CHCHD6: variants seen among roughly 807,000 people sequenced by gnomAD.
CHCHD6 encodes MICOS complex subunit MIC25.
In CHCHD6, 28 loss-of-function variants were observed where a neutral mutation model predicts 32.3. The observed-to-expected ratio is 0.87, with a 90% CI of 0.64 to 1.19. The LOEUF (loss-of-function observed/expected upper bound fraction) is 1.19. Ranked by LOEUF, CHCHD6 falls within the 50% of genes most tolerant of loss-of-function variation. CHCHD6 has a pLI of 0.00. For missense variants in CHCHD6, 333 were observed against 307.0 expected (o/e 1.08, Z -0.63); for synonymous variants, 122 against 117.5 (o/e 1.04, Z -0.25).
chr3:126,786,381 A>T (rs867992710), intron 4 of CHCHD6, among the ~76,000 whole-genome samples: 7 of 152,118 alleles, frequency 4.6e-5, no homozygotes, highest in Admixed American at 2.0e-4. Flanking sequence ...TTTCTAGTTC[A>T]ATATCCCTGA....
At chr3:126,734,806 C>T (rs1377035137) in intron 4 of CHCHD6, among the ~76,000 whole-genome samples, 2 of 152,090 alleles carry the variant, frequency 1.3e-5, no homozygotes, top group Non-Finnish European at 2.9e-5. Flanking sequence ...AGAAGGTGAT[C>T]GGATCCAGTG....
intron 4 of CHCHD6, among the ~76,000 whole-genome samples, chr3:126,776,225 G>A (rs776450510): frequency 6.6e-6 from 1 of 152,178 alleles, no homozygotes; most frequent in African/African-American, 2.4e-5. Flanking sequence ...GGTACAACAT[G>A]GCTCCTAAAT....
intron 4 of CHCHD6, among the ~76,000 whole-genome samples, chr3:126,830,419 C>T (rs1398691108): frequency 6.6e-6 from 1 of 152,210 alleles, no homozygotes; most frequent in Non-Finnish European, 1.5e-5. Context: ...AGCTGCCATG[C>T]ACCCTGCATG....
chr3:126,840,225 G>A (rs1042862960), intron 4 of CHCHD6, among the ~76,000 whole-genome samples: 1 of 152,130 alleles, frequency 6.6e-6, no homozygotes, highest in African/African-American at 2.4e-5. Flanking sequence ...GACATTTAGG[G>A]GCTAAGTGTA....
chr3:126,786,777 C>CT (rs1167011834), intron 4 of CHCHD6, among the ~76,000 whole-genome samples: 1 of 152,176 alleles, frequency 6.6e-6, no homozygotes, highest in Non-Finnish European at 1.5e-5. Flanking sequence ...TTTAGGTTGT[C>CT]TGTTCACTCT....
chr3:126,863,329 TCC>T (rs1942034651), intron 5 of CHCHD6, among the ~76,000 whole-genome samples: 1 of 124,362 alleles, frequency 8.0e-6, no homozygotes, highest in African/African-American at 3.1e-5. Context: ...CACCTCCTCC[TCC>T]TCCTCCATCA....
In CHCHD6 at chr3:126,736,066, G is replaced by A. The variant is rs558686759; in HGVS notation, c.411+2844G>A. On this transcript the variant is annotated intron_variant, in intron 4 of 7. Transcript: ENST00000290913. Reference sequence around the variant, plus strand: ...TGGCCATTGCTTCTAAAGAAGGGGGGCTCCCTTTGGGTTGGTATGGTTGGG... The same window carrying A: ...TGGCCATTGCTTCTAAAGAAGGGGGACTCCCTTTGGGTTGGTATGGTTGGG... 1.2e-3 allele frequency among the ~76,000 whole-genome samples: 177 copies of A among 152,306 alleles called. 1 individual carries two copies. The highest frequency in any genetic ancestry group is 6.8e-3 in the Middle Eastern group (2 of 294).
chr3:126,779,094 A>G (rs995365582), intron 4 of CHCHD6, among the ~76,000 whole-genome samples: 13 of 151,892 alleles, frequency 8.6e-5, no homozygotes, highest in Admixed American at 1.3e-4. Flanking sequence ...ACTTTTTATT[A>G]TTTGTTTATT....
chr3:126,959,396 C>A (rs1432586907), intron 7 of CHCHD6, among the ~76,000 whole-genome samples: 1 of 152,254 alleles, frequency 6.6e-6, no homozygotes, highest in African/African-American at 2.4e-5. Flanking sequence ...AGCCCCAGCA[C>A]CCAGGCACTT....
chr3:126,816,658 A>G (rs945537215), intron 4 of CHCHD6, among the ~76,000 whole-genome samples: 1 of 152,088 alleles, frequency 6.6e-6, no homozygotes, highest in Non-Finnish European at 1.5e-5. Flanking sequence ...GGGGAGCATG[A>G]ATGGAGTCTT....
At chr3:126,777,226 C>CTT (rs201873304) in intron 4 of CHCHD6, among the ~76,000 whole-genome samples, 8,214 of 152,220 alleles carry the variant, frequency 0.054, 334 homozygotes, top group South Asian at 0.19. Context: ...GGTATTCAGA[C>CTT]TTCAAATCAG....
intron 1 of CHCHD6, among the ~76,000 whole-genome samples, chr3:126,710,809 T>G (rs1408744642): frequency 2.6e-5 from 4 of 152,216 alleles, no homozygotes; most frequent in African/African-American, 9.7e-5. Context: ...GCTCATTTAT[T>G]AGTTCAAGTA....
chr3:126,808,797 G>A (rs1179366195), intron 4 of CHCHD6, among the ~76,000 whole-genome samples: 4 of 152,154 alleles, frequency 2.6e-5, no homozygotes, highest in Admixed American at 2.6e-4. Context: ...TTGGTGAGAG[G>A]AATGAGCAGG....
At chr3:126,764,957 C>T (rs1937307301) in intron 4 of CHCHD6, among the ~76,000 whole-genome samples, 1 of 152,142 alleles carries the variant, frequency 6.6e-6, no homozygotes, top group South Asian at 2.1e-4. Context: ...GGCCAGCTTC[C>T]TCCCATAGGG....
intron 6 of CHCHD6, among the ~76,000 whole-genome samples, chr3:126,926,042 G>A (rs1033967199): frequency 2.6e-5 from 4 of 152,180 alleles, no homozygotes; most frequent in Non-Finnish European, 5.9e-5. Context: ...CCCAGCCACC[G>A]CGCTTGCGGT....
intron 4 of CHCHD6, among the ~76,000 whole-genome samples, chr3:126,765,894 G>A (rs577017287): frequency 2.0e-5 from 3 of 152,332 alleles, no homozygotes; most frequent in Non-Finnish European, 2.9e-5. Flanking sequence ...AACCAACACC[G>A]GCTTAGGCCA....
rs1399343645 is a variant in CHCHD6 at position 126,744,553 on chromosome 3, C to A, written c.411+11331C>A. Among the ~76,000 whole-genome samples the A allele has an allele frequency of 2.6e-5, 4 of 152,144 alleles. No individual in the cohort carries two copies. In the South Asian group the frequency reaches 8.3e-4, roughly 32 times the overall value. ...ACATGCACCAGCTAGGAGGAGCTTT[C>A]GCTGTGAGTAATGGAAGCCCAGTTG... On this transcript the variant is annotated intron_variant, in intron 4 of 7. Transcript: ENST00000290913.
chr3:126,871,628 G>A (rs574137958), intron 5 of CHCHD6, among the ~76,000 whole-genome samples: 99 of 151,296 alleles, frequency 6.5e-4, no homozygotes, highest in African/African-American at 2.0e-3. Flanking sequence ...TTGGAGCTGA[G>A]GACAGCTTAT....
intron 6 of CHCHD6, among the ~76,000 whole-genome samples, chr3:126,936,929 G>A (rs2078488261): frequency 6.6e-6 from 1 of 152,166 alleles, no homozygotes; most frequent in Admixed American, 6.5e-5. Flanking sequence ...CTGTTGGACA[G>A]AACTATTGGT....
Sources: gnomAD v4.1 joint callset for allele counts (sites outside exome capture counted in the v4.1 genomes callset) on GRCh38, gnomAD v4.1.1 for gene constraint, MANE v1.5 for transcripts, NCBI Gene and HGNC (gene_info 2026-07-23, HGNC 2026-07-21) for gene names.